The following RIOK3 variants were observed in gnomAD, a reference collection of about 807,000 sequenced individuals.
The protein encoded by RIOK3 is serine/threonine-protein kinase RIO3.
RIOK3 carries 40 observed loss-of-function variants against 63.5 expected under a neutral mutation model. That is an observed-to-expected ratio of 0.63 (90% confidence interval 0.49 to 0.82). The LOEUF (loss-of-function observed/expected upper bound fraction) is 0.82. Ranked by LOEUF, RIOK3 falls within the 40% of genes least tolerant of loss-of-function variation. The probability of loss-of-function intolerance (pLI) is 0.00; values close to 1 mark genes in which losing one functional copy is unlikely to be tolerated. For missense variants in RIOK3, 557 were observed against 637.0 expected (o/e 0.87, Z 1.35); for synonymous variants, 193 against 205.0 (o/e 0.94, Z 0.50).
chr18:23,475,006 G>C lies in RIOK3; in HGVS notation c.1072G>C (p.Val358Leu), dbSNP rs566708736. Residue 358 changes from valine to leucine, a missense_variant, in exon 9 of 13, where the codon GTT (valine) becomes CTT (leucine). Physicochemically the swap from Val to Leu is conservative, Grantham distance 32. Transcript: ENST00000339486. ...TGTACTACTGAAGAAACACATTTTA[G>C]TTATGTCTTTTATTGGCCATGATCA... ...TVVLLKKHIL[V>L]MSFIGHDQVP... 4 of 1,611,806 alleles carry C rather than the reference G, an allele frequency of 2.5e-6. No homozygotes were observed. In the East Asian group the frequency reaches 6.7e-5, roughly 27 times the overall value.
intron 1 of RIOK3, among the ~76,000 whole-genome samples, chr18:23,457,526 T>A (rs1483404543): frequency 1.3e-5 from 2 of 152,194 alleles, no homozygotes; most frequent in African/African-American, 4.8e-5. Context: ...TAATTATGTA[T>A]CAATATTGGT....
intron 1 of RIOK3, among the ~76,000 whole-genome samples, chr18:23,460,730 T>C (rs529244772): frequency 6.6e-6 from 1 of 152,344 alleles, no homozygotes; most frequent in African/African-American, 2.4e-5. Context: ...CTAAACAGCA[T>C]TGTATCTTCT....
In RIOK3 at chr18:23,477,084, A is replaced by C; in HGVS notation, c.1252A>C (p.Lys418Gln). The change falls in exon 10 of 13, where the codon AAG becomes CAG. Residue 418 changes from lysine (K) to glutamine (Q), a missense_variant and splice_region_variant. Lys to Gln is a moderately conservative substitution (Grantham distance 53). Coordinates refer to ENST00000339486, the MANE Select transcript of RIOK3 (RefSeq NM_003831.5). Reference sequence around the variant, plus strand: ...GTATAACATGCTGTGGCATGCTGGAAAGGTGAGGAGCACATTTTGTTAACA... The same window carrying C: ...GTATAACATGCTGTGGCATGCTGGACAGGTGAGGAGCACATTTTGTTAACA... ...SEYNMLWHAG[K>Q]VWLIDVSQSV... 6.2e-7 allele frequency: 1 copy of C among 1,613,884 alleles called. No homozygotes were observed. The highest frequency in any genetic ancestry group is 1.7e-4 in the Middle Eastern group (1 of 6,050).
intron 7 of RIOK3, among the ~76,000 whole-genome samples, chr18:23,469,283 G>A (rs2057431367): frequency 7.5e-6 from 1 of 132,610 alleles, no homozygotes; most frequent in Non-Finnish European, 1.6e-5. Flanking sequence ...TTTCCACAAA[G>A]CTCTGGTTCC....
chr18:23,474,378 A>G (rs2057475666), intron 8 of RIOK3, among the ~76,000 whole-genome samples: 1 of 152,144 alleles, frequency 6.6e-6, no homozygotes, highest in Non-Finnish European at 1.5e-5. Flanking sequence ...AAAAGAAAAA[A>G]AAATGTTTTT....
rs1224604249 is a variant in RIOK3, at chr18:23,482,837, A to G, written c.*1558A>G. The G allele has an allele frequency of 2.0e-5, 3 of 152,114 alleles. No individual in the cohort carries two copies. The highest frequency in any genetic ancestry group is 4.4e-5 in the Non-Finnish European group (3 of 68,008). 9.4% of individuals were successfully genotyped at this position (152,114 alleles called of 1,614,324 possible). On this transcript the variant is annotated 3_prime_UTR_variant, in exon 13 of 13. Transcript: ENST00000339486. ...TGCCAAATATGTTCTTTCTAGAAAA[A>G]TATTTATTTTTGTTTTTGTTGGATA...
chr18:23,478,604 AACAT>A (rs2145704381), intron 11 of RIOK3, among the ~76,000 whole-genome samples: 1 of 82,298 alleles, frequency 1.2e-5, no homozygotes, highest in African/African-American at 5.2e-5. Flanking sequence ...AAAAAAACAA[AACAT>A]ATATATATAT....
chr18:23,473,655 CT>C, intron 8 of RIOK3, 29 bp downstream of exon 8: 2 of 1,533,154 alleles, frequency 1.3e-6, no homozygotes, highest in Non-Finnish European at 1.8e-6. Flanking sequence ...TAGACGTAAT[CT>C]TGGGTAAATA....
intron 1 of RIOK3, among the ~76,000 whole-genome samples, chr18:23,453,863 T>C (rs1017664842): frequency 3.3e-5 from 5 of 152,226 alleles, no homozygotes; most frequent in African/African-American, 1.2e-4. Flanking sequence ...GTCAGCCGAA[T>C]ACACAGCTAG....
intron 1 of RIOK3, among the ~76,000 whole-genome samples, chr18:23,455,375 T>G (rs1045821462): frequency 2.2e-5 from 3 of 134,532 alleles, no homozygotes; most frequent in African/African-American, 8.9e-5. Flanking sequence ...GCCCAACGTC[T>G]TTCTTTTTTT....
intron 7 of RIOK3, among the ~76,000 whole-genome samples, chr18:23,472,554 A>C (rs960236157): frequency 2.0e-5 from 3 of 152,164 alleles, no homozygotes; most frequent in African/African-American, 7.2e-5. Flanking sequence ...GAAGCTCACT[A>C]TTGGGGGACT....
intron 6 of RIOK3, 24 bp downstream of exon 6, chr18:23,466,300 T>C: frequency 6.5e-7 from 1 of 1,531,528 alleles, no homozygotes; most frequent in Non-Finnish European, 8.8e-7. Flanking sequence ...GATTTTTTTT[T>C]TTCTTTTTTA....
At chr18:23,458,910 A>G (rs1439622141) in intron 1 of RIOK3, among the ~76,000 whole-genome samples, 1 of 152,206 alleles carries the variant, frequency 6.6e-6, no homozygotes, top group Non-Finnish European at 1.5e-5. Context: ...ATTTCAAAGT[A>G]TGGGAGTGGC....
intron 1 of RIOK3, among the ~76,000 whole-genome samples, chr18:23,455,517 C>CG (rs1417499380): frequency 6.6e-6 from 1 of 151,728 alleles, no homozygotes; most frequent in Non-Finnish European, 1.5e-5. Context: ...CTCAGCCTCC[C>CG]GAGTAGTGGG....
intron 9 of RIOK3, among the ~76,000 whole-genome samples, chr18:23,476,490 A>G (rs1253547333): frequency 1.3e-5 from 2 of 152,182 alleles, no homozygotes; most frequent in Non-Finnish European, 2.9e-5. Flanking sequence ...AGGAAAATCA[A>G]GTATGTTTTT....
intron 7 of RIOK3, among the ~76,000 whole-genome samples, chr18:23,469,633 A>G (rs1165418087): frequency 1.3e-5 from 2 of 151,352 alleles, no homozygotes; most frequent in Middle Eastern, 3.2e-3. Flanking sequence ...GATTACAGGT[A>G]CACACTACCA....
intron 7 of RIOK3, among the ~76,000 whole-genome samples, chr18:23,468,415 G>C (rs2057425486): frequency 7.2e-6 from 1 of 139,850 alleles, no homozygotes; most frequent in Admixed American, 8.1e-5. Context: ...CGATTCTCCT[G>C]TCTCAGCCTC....
intron 1 of RIOK3, among the ~76,000 whole-genome samples, chr18:23,453,966 GAT>G (rs1271394024): frequency 6.6e-6 from 1 of 152,184 alleles, no homozygotes; most frequent in Non-Finnish European, 1.5e-5. Flanking sequence ...AGCAGTAAAA[GAT>G]AAAACCCAGG....
rs930295851 is a variant in RIOK3, at chr18:23,470,134, G to C, written c.815+2608G>C. On this transcript the variant is annotated intron_variant, in intron 7 of 12. Coordinates refer to ENST00000339486, the MANE Select transcript of RIOK3 (RefSeq NM_003831.5). Reference sequence around the variant, plus strand: ...AAAAGAAATCCGTTGGAGGACCGATGGGGGCGGATCACGAGGTCAGGAGAT... The same window carrying C: ...AAAAGAAATCCGTTGGAGGACCGATCGGGGCGGATCACGAGGTCAGGAGAT... Among the ~76,000 whole-genome samples, 7 of 152,140 alleles carry C rather than the reference G, an allele frequency of 4.6e-5. No homozygotes were observed. The East Asian group carries it at 9.6e-4, about 21-fold the overall frequency.
Sources: allele counts gnomAD v4.1 joint callset (sites outside exome capture counted in the v4.1 genomes callset), GRCh38; gene constraint gnomAD v4.1.1; transcripts MANE v1.5; gene names NCBI Gene and HGNC (gene_info 2026-07-23, HGNC 2026-07-21).